DISC1: variants seen among roughly 807,000 people sequenced by gnomAD.
DISC1 encodes disrupted in schizophrenia 1 protein.
A neutral mutation model predicts 84.5 loss-of-function variants in DISC1; 57 were observed. The ratio of observed to expected loss-of-function variants is 0.67; its 90% CI spans 0.55 to 0.84. The LOEUF is 0.84. Among genes scored for constraint, DISC1 ranks in the 40% least tolerant of loss-of-function variants. The pLI, the probability that DISC1 is intolerant of heterozygous loss-of-function variation, is 0.00. For synonymous variants in DISC1, 411 were observed against 415.2 expected, an observed-to-expected ratio of 0.99 and a Z score of 0.12; for missense variants, 1,000 against 1,057.8, an observed-to-expected ratio of 0.95 and a Z score of 0.76.
At chr1:231,934,287 A>G (rs1382423494) in intron 9 of DISC1, among the ~76,000 whole-genome samples, 1 of 152,184 alleles carries the variant, frequency 6.6e-6, no homozygotes, top group Non-Finnish European at 1.5e-5. Flanking sequence ...GGTTAGTTAA[A>G]TATTGAAATA....
Position 231,923,306 on chromosome 1 carries a change from C to CAAAAAAAAAAAAA in DISC1, c.1982-35522_1982-35521insAAAAAAAAAAAAA, listed in dbSNP as rs1558738260. On this transcript the variant is annotated intron_variant, in intron 9 of 12. Coordinates refer to ENST00000439617, the MANE Select transcript of DISC1 (RefSeq NM_018662.3). ...TGTCTCAAAAACAAAACAAAAAAAA[C>CAAAAAAAAAAAAA]CAAAAAAAAAAACAAAAAGAAAAAG... is the stretch of plus-strand genomic sequence containing the variant. Among the ~76,000 whole-genome samples, 10 of 109,394 alleles carry CAAAAAAAAAAAAA rather than the reference C, an allele frequency of 9.1e-5. 1 individual carries two copies. The highest frequency in any genetic ancestry group is 1.4e-4 in the Non-Finnish European group (7 of 48,322). The allele number at this position is 109,394 out of a possible 152,430, so 71.8% of individuals were successfully genotyped here. A position where few individuals can be genotyped will look rare whatever the true frequency, so the allele number is the denominator to read the frequency against.
chr1:231,973,341 C>T lies in DISC1; in HGVS notation c.2042+14453C>T, dbSNP rs140557973. Among the ~76,000 whole-genome samples, 369 of 152,098 alleles carry T rather than the reference C, an allele frequency of 2.4e-3. 1 individual carries two copies. The highest frequency in any genetic ancestry group is 6.9e-3 in the African/African-American group (286 of 41,494). ...GATTATAGGCGTGAGCCACCGCACCCGGCCGCCAATGTCTTGTTCTTTAAA... is the reference window on the plus strand; with the variant it reads ...GATTATAGGCGTGAGCCACCGCACCTGGCCGCCAATGTCTTGTTCTTTAAA... On this transcript the variant is annotated intron_variant, in intron 10 of 12. Coordinates refer to ENST00000439617, the MANE Select transcript of DISC1 (RefSeq NM_018662.3).
intron 9 of DISC1, among the ~76,000 whole-genome samples, chr1:231,942,828 C>T (rs1420293824): frequency 2.6e-5 from 4 of 152,258 alleles, no homozygotes; most frequent in Non-Finnish European, 5.9e-5. Context: ...GGCATTGCCT[C>T]CTTCCTGCTT....
intron 10 of DISC1, among the ~76,000 whole-genome samples, chr1:231,987,232 A>G (rs1664572244): frequency 6.6e-6 from 1 of 152,176 alleles, no homozygotes; most frequent in South Asian, 2.1e-4. Flanking sequence ...CTGGGGATAG[A>G]ACTGTTGATG....
intron 9 of DISC1, among the ~76,000 whole-genome samples, chr1:231,841,192 A>G (rs2083028359): frequency 6.6e-6 from 1 of 152,244 alleles, no homozygotes; most frequent in Non-Finnish European, 1.5e-5. Flanking sequence ...GCTGAAAAAA[A>G]TCTGAAATCC....
chr1:231,871,514 G>A (rs146657668), intron 9 of DISC1, among the ~76,000 whole-genome samples: 1 of 152,236 alleles, frequency 6.6e-6, no homozygotes. Context: ...TGATGTGGAA[G>A]TGCAGTTGAA....
chr1:231,987,457 C>T (rs188347270), intron 10 of DISC1, among the ~76,000 whole-genome samples: 12 of 152,356 alleles, frequency 7.9e-5, no homozygotes, highest in Admixed American at 5.2e-4. Flanking sequence ...CCTGTAAAGG[C>T]CTAATCTGAT....
intron 3 of DISC1, among the ~76,000 whole-genome samples, chr1:231,719,972 T>TTA (rs2069406758): frequency 6.6e-6 from 1 of 152,182 alleles, no homozygotes; most frequent in Admixed American, 6.5e-5. Context: ...CACTTGACCT[T>TTA]TATACAATGT....
At chr1:231,931,659 T>A (rs2090664592) in intron 9 of DISC1, among the ~76,000 whole-genome samples, 2 of 151,336 alleles carry the variant, frequency 1.3e-5, no homozygotes, top group South Asian at 4.2e-4. Flanking sequence ...TTTTTTTTTT[T>A]TGTCTTTGAG....
chr1:231,636,734 C>T (rs1263958469), intron 1 of DISC1, among the ~76,000 whole-genome samples: 3 of 152,076 alleles, frequency 2.0e-5, no homozygotes, highest in Non-Finnish European at 4.4e-5. Context: ...GAGTTACTTT[C>T]CCTTCAGCTA....
chr1:231,785,257 TTTTATTTA>T (rs71573142), intron 6 of DISC1, among the ~76,000 whole-genome samples: 1,345 of 104,878 alleles, frequency 0.013, 20 homozygotes, highest in African/African-American at 0.039. Context: ...GTGTGTGTTA[TTTTATTTA>T]TTTATTTATT....
chr1:231,950,226 G>A (rs1468743489), intron 9 of DISC1, among the ~76,000 whole-genome samples: 2 of 151,634 alleles, frequency 1.3e-5, no homozygotes, highest in South Asian at 2.1e-4. Flanking sequence ...GTGTGTGTGT[G>A]TGTGTGTGTG....
chr1:231,788,214 G>A (rs998924719), intron 6 of DISC1, among the ~76,000 whole-genome samples: 1 of 152,180 alleles, frequency 6.6e-6, no homozygotes, highest in African/African-American at 2.4e-5. Flanking sequence ...GAACCCAGAA[G>A]GTGGAGGTTG....
chr1:232,001,757 T>C (rs1162303046), intron 10 of DISC1, among the ~76,000 whole-genome samples: 1 of 152,082 alleles, frequency 6.6e-6, no homozygotes, highest in African/African-American at 2.4e-5. Flanking sequence ...AAGGACCTAA[T>C]TGTAAAATAT....
intron 9 of DISC1, among the ~76,000 whole-genome samples, chr1:231,896,683 A>G (rs1423875245): frequency 6.6e-6 from 1 of 152,148 alleles, no homozygotes; most frequent in East Asian, 1.9e-4. Context: ...CTTGCTTTAA[A>G]TCTCAGGGCT....
At chr1:231,878,937 T>G (rs2086082738) in intron 9 of DISC1, among the ~76,000 whole-genome samples, 1 of 152,228 alleles carries the variant, frequency 6.6e-6, no homozygotes, top group Non-Finnish European at 1.5e-5. Flanking sequence ...TCATCCAGAT[T>G]GCTACTTATA....
chr1:231,777,830 G>T (rs2077067654), intron 6 of DISC1, among the ~76,000 whole-genome samples: 1 of 152,298 alleles, frequency 6.6e-6, no homozygotes, highest in African/African-American at 2.4e-5. Flanking sequence ...TATAAGGTTT[G>T]TTGGGCAATA....
At chr1:231,904,605 A>G (rs2088480959) in intron 9 of DISC1, among the ~76,000 whole-genome samples, 1 of 152,340 alleles carries the variant, frequency 6.6e-6, no homozygotes, top group Admixed American at 6.5e-5. Flanking sequence ...GTACACATGC[A>G]TTTATATGTC....
chr1:231,681,067 T>C (rs750210873), intron 1 of DISC1, among the ~76,000 whole-genome samples: 16 of 152,192 alleles, frequency 1.1e-4, no homozygotes, highest in Non-Finnish European at 1.9e-4. Flanking sequence ...AAAAATTCAT[T>C]AGAGACACCC....
Sources: gnomAD v4.1 joint callset for allele counts (sites outside exome capture counted in the v4.1 genomes callset) on GRCh38, gnomAD v4.1.1 for gene constraint, MANE v1.5 for transcripts, NCBI Gene and HGNC (gene_info 2026-07-23, HGNC 2026-07-21) for gene names.